The following TOPBP1 variants were observed in gnomAD, a reference collection of about 807,000 sequenced individuals.
TOPBP1 encodes DNA topoisomerase 2-binding protein 1.
In TOPBP1, 28 loss-of-function variants were observed where a neutral mutation model predicts 167.7. The ratio of observed to expected loss-of-function variants is 0.17; its 90% CI spans 0.12 to 0.23. TOPBP1 has a LOEUF of 0.23. Among genes scored for constraint, TOPBP1 ranks in the 10% least tolerant of loss-of-function variants. The pLI, the probability that TOPBP1 is intolerant of heterozygous loss-of-function variation, is 1.00. For synonymous variants in TOPBP1, 598 were observed against 611.4 expected (o/e 0.98, Z 0.32); for missense variants, 1,554 against 1,809.6 (o/e 0.86, Z 2.56).
rs774511092 is a variant in TOPBP1, at chr3:133,620,287, G to C, written c.3239C>G (p.Ser1080Cys). ...TTGGGGTTTCACTATTGATGTTGCA[G>C]ACATTATCTCCTGTAACTGCTTCTG... ...NFQKQLQEIM[S>C]ATSIVKPQGQ... is the part of the protein sequence containing the mutation. Residue 1080 changes from serine (S) to cysteine (C), a missense_variant, in exon 20 of 28, where the codon TCT (serine) becomes TGT (cysteine). Physicochemically the swap from Ser to Cys is moderately radical, Grantham distance 112. Around this residue, in one of 3 missense-constraint regions of TOPBP1, gnomAD observed 1,197 missense variants for 1,351.5 expected, o/e 0.89. Transcript: ENST00000260810. 7 of 1,613,988 alleles carry C rather than the reference G, an allele frequency of 4.3e-6. No individual in the cohort carries two copies. The South Asian group carries it at 6.6e-5, about 15-fold the overall frequency.
chr3:133,649,931 C>A lies in TOPBP1; in HGVS notation c.1102G>T (p.Gly368Cys). 3 of 1,592,112 alleles carry A rather than the reference C, an allele frequency of 1.9e-6. No individual in the cohort carries two copies. The highest frequency in any genetic ancestry group is 2.6e-6 in the Non-Finnish European group (3 of 1,172,372). The change falls in exon 9 of 28, where the codon GGT becomes TGT. Residue 368 changes from glycine (G) to cysteine (C), a missense_variant. By Grantham distance (159) the Gly-to-Cys change is radical. This residue lies in a region of TOPBP1 where 1,197 missense variants were observed against 1,351.5 expected (regional missense o/e 0.89). Coordinates refer to ENST00000260810, the MANE Select transcript of TOPBP1 (RefSeq NM_007027.4). The part of the protein sequence containing the change: ...LLDGCRIYLC[G>C]FSGRKLDKLR... ...TTATCTAGCTTTCTGCCACTAAAAC[C>A]GCAAAGATATATCTGCAAGAAAGAA...
At chr3:133,610,949 AAG>A in intron 25 of TOPBP1, 53 bp downstream of exon 25, 1 of 1,430,124 alleles carries the variant, frequency 7.0e-7, no homozygotes. Context: ...AAAAATGTGA[AAG>A]AGTCACAATA....
At chr3:133,658,799 T>A (rs1170480698) in intron 3 of TOPBP1, among the ~76,000 whole-genome samples, 2 of 152,100 alleles carry the variant, frequency 1.3e-5, no homozygotes, top group African/African-American at 4.8e-5. Flanking sequence ...AGAACAAGAC[T>A]CTGTCTCCAA....
At chr3:133,635,115 C>A (rs1935621190) in intron 14 of TOPBP1, among the ~76,000 whole-genome samples, 1 of 152,040 alleles carries the variant, frequency 6.6e-6, no homozygotes. Flanking sequence ...TCATCATGCC[C>A]AGCTAATTTT....
intron 23 of TOPBP1, 32 bp downstream of exon 23, chr3:133,616,782 G>T (rs777465811): frequency 8.0e-7 from 1 of 1,243,564 alleles, no homozygotes; most frequent in South Asian, 1.5e-5. Context: ...TTATTATATG[G>T]GACATTTTGG....
intron 2 of TOPBP1, 49 bp downstream of exon 2, chr3:133,660,995 T>C: frequency 7.0e-7 from 1 of 1,423,056 alleles, no homozygotes; most frequent in Non-Finnish European, 9.4e-7. Context: ...CAAAAACACT[T>C]AAAAACAAGA....
rs757733999 is a variant in TOPBP1 at position 133,655,358 on chromosome 3, T to A, written c.674A>T (p.His225Leu). The A allele has an allele frequency of 2.5e-6, 4 of 1,608,054 alleles. No homozygotes were observed. Among genetic ancestry groups the A allele is most frequent in the Non-Finnish European group, 1.7e-6 (2 of 1,177,248 alleles). ...RKEVQQLTVK[H>L]GGQYMGQLKM... is the part of the protein sequence containing the mutation. The stretch of plus-strand genomic sequence containing the variant: ...CAATTGTCCCATGTATTGACCTCCA[T>A]GCTTAACTGTGAGTTGCTGAACTTC... The change falls in exon 6 of 28, where the codon CAT becomes CTT. Residue 225 changes from histidine (H) to leucine (L), a missense_variant. Around this residue, in one of 3 missense-constraint regions of TOPBP1, gnomAD observed 1,197 missense variants for 1,351.5 expected, o/e 0.89. Transcript: ENST00000260810.
intron 14 of TOPBP1, among the ~76,000 whole-genome samples, chr3:133,635,361 T>C (rs1348040777): frequency 6.6e-6 from 1 of 152,170 alleles, no homozygotes; most frequent in Non-Finnish European, 1.5e-5. Flanking sequence ...TCAAGCCATC[T>C]TGCTGCCTCA....
At chr3:133,638,851 A>G (rs1047328890) in intron 13 of TOPBP1, among the ~76,000 whole-genome samples, 1 of 152,196 alleles carries the variant, frequency 6.6e-6, no homozygotes, top group Non-Finnish European at 1.5e-5. Flanking sequence ...TAGACATGGG[A>G]AATACAGAAT....
At chr3:133,617,822 A>G (rs777535252) in intron 21 of TOPBP1, among the ~76,000 whole-genome samples, 4 of 152,202 alleles carry the variant, frequency 2.6e-5, no homozygotes, top group Non-Finnish European at 4.4e-5. Context: ...AAAGAAACTC[A>G]TACAATCCAA....
chr3:133,619,126 C>T (rs73861161), intron 20 of TOPBP1, among the ~76,000 whole-genome samples: 1 of 127,076 alleles, frequency 7.9e-6, no homozygotes, highest in African/African-American at 2.9e-5. Flanking sequence ...AAAAAAAAAA[C>T]AAAAAACAAA....
At chr3:133,602,892 A>ATTTT (rs11458236) in intron 27 of TOPBP1, among the ~76,000 whole-genome samples, 3 of 121,460 alleles carry the variant, frequency 2.5e-5, no homozygotes, top group Non-Finnish European at 1.7e-5. Context: ...ACCTTTTTTC[A>ATTTT]TTTTTTTTTT....
chr3:133,638,044 G>T lies in TOPBP1; in HGVS notation c.2352C>A (p.Asn784Lys). 1.2e-6 allele frequency: 2 copies of T among 1,613,996 alleles called. No individual in the cohort carries two copies. Among genetic ancestry groups the T allele is most frequent in the East Asian group, 2.2e-5 (1 of 44,888 alleles). Reference protein sequence around the residue: ...RKTVVTPLDMNRFQSKAFRAV... With the variant: ...RKTVVTPLDMKRFQSKAFRAV... ...CACGGAAAGCTTTACTCTGAAAGCG[G>T]TTCATATCTAAAGGTGTAACGACGG... The change falls in exon 14 of 28, where the codon AAC becomes AAA. Residue 784 changes from asparagine (N) to lysine (K), a missense_variant. Physicochemically the swap from Asn to Lys is moderately conservative, Grantham distance 94 (BLOSUM62 0). Around this residue, in one of 3 missense-constraint regions of TOPBP1, gnomAD observed 1,197 missense variants for 1,351.5 expected, o/e 0.89. Transcript: ENST00000260810.
In TOPBP1 at chr3:133,622,496, GTGTT is replaced by G. The variant is rs896767291; in HGVS notation, c.3178+591_3178+594del. On this transcript the variant is annotated intron_variant, in intron 19 of 27. Coordinates refer to ENST00000260810, the MANE Select transcript of TOPBP1 (RefSeq NM_007027.4). ...ACACGAGCCACCATGCCCAGCCTAT[GTGTT>G]TGTTTGTTTTTTTTTAATGGGGGAA... Among the ~76,000 whole-genome samples, 18 of 151,670 alleles carry G rather than the reference GTGTT, an allele frequency of 1.2e-4. 1 individual carries two copies. The South Asian group carries it at 1.2e-3, about 11-fold the overall frequency.
intron 12 of TOPBP1, among the ~76,000 whole-genome samples, chr3:133,640,976 C>T (rs75719742): frequency 2.2e-3 from 338 of 152,180 alleles, no homozygotes; most frequent in Non-Finnish European, 3.4e-3. Flanking sequence ...AAGAAGTCTA[C>T]GACTTGAGAT....
At position 133,653,457 on chromosome 3, in the gene TOPBP1, A is replaced by G. The variant is rs1477015661; in HGVS notation, c.810T>C (p.Ser270=). 6.2e-6 allele frequency: 10 copies of G among 1,612,800 alleles called. No individual in the cohort carries two copies. In the African/African-American group the frequency reaches 8.0e-5, roughly 13 times the overall value. The change falls in exon 7 of 28, where the codon AGT becomes AGC. Residue 270 remains serine, a synonymous_variant. Coordinates refer to ENST00000260810, the MANE Select transcript of TOPBP1 (RefSeq NM_007027.4). Reference sequence around the variant, plus strand: ...CATCCTGACAAAAACCTTTCTCAATACTGTCAAAAAACCACTGTGTGGTCA... The same window carrying G: ...CATCCTGACAAAAACCTTTCTCAATGCTGTCAAAAAACCACTGTGTGGTCA... ...HCVTTQWFFD[S]IEKGFCQDES...
At chr3:133,626,474 G>A (rs1935271129) in intron 16 of TOPBP1, among the ~76,000 whole-genome samples, 1 of 152,142 alleles carries the variant, frequency 6.6e-6, no homozygotes, top group South Asian at 2.1e-4. Flanking sequence ...ATTCACGTAT[G>A]TAAAAAAAAG....
At chr3:133,630,453 G>C (rs2107797058) in intron 14 of TOPBP1, among the ~76,000 whole-genome samples, 1 of 151,936 alleles carries the variant, frequency 6.6e-6, no homozygotes, top group African/African-American at 2.4e-5. Context: ...GCACAACCCT[G>C]TGCTCAGCTA....
chr3:133,629,579 A>G (rs976195769), intron 14 of TOPBP1, among the ~76,000 whole-genome samples: 3 of 152,164 alleles, frequency 2.0e-5, no homozygotes, highest in African/African-American at 7.2e-5. Context: ...AAAACTAAAA[A>G]AACAAGACCA....
Sources: gnomAD v4.1 joint callset for allele counts (sites outside exome capture counted in the v4.1 genomes callset) on GRCh38, gnomAD v4.1.1 for gene constraint, gnomAD v4.1.1 regional missense constraint, MANE v1.5 for transcripts, NCBI Gene and HGNC (gene_info 2026-07-23, HGNC 2026-07-21) for gene names.